The following SAMHD1 variants were observed in gnomAD, a reference collection of about 807,000 sequenced individuals.
SAMHD1 encodes deoxynucleoside triphosphate triphosphohydrolase SAMHD1.
A neutral mutation model predicts 79.6 loss-of-function variants in SAMHD1; 54 were observed. The observed-to-expected ratio is 0.68, with a 90% CI of 0.55 to 0.85. The LOEUF is 0.85. Ranked by LOEUF, SAMHD1 falls within the 40% of genes least tolerant of loss-of-function variation. The probability of loss-of-function intolerance (pLI) is 0.00; values close to 1 mark genes in which losing one functional copy is unlikely to be tolerated. For missense variants in SAMHD1, 663 were observed against 782.7 expected (o/e 0.85, Z 1.82); for synonymous variants, 260 against 264.1 (o/e 0.98, Z 0.15).
At chr20:36,907,127 T>C (rs917474492) in intron 11 of SAMHD1, among the ~76,000 whole-genome samples, 5 of 151,310 alleles carry the variant, frequency 3.3e-5, no homozygotes, top group African/African-American at 1.2e-4. Flanking sequence ...GGTCAGGTTC[T>C]GTGGCCTAGG....
chr20:36,925,736 A>C (rs1420391257), intron 6 of SAMHD1, among the ~76,000 whole-genome samples: 2 of 152,238 alleles, frequency 1.3e-5, no homozygotes, highest in Non-Finnish European at 2.9e-5. Flanking sequence ...TACAAAGTAC[A>C]GGAAATAGTA....
In SAMHD1 at chr20:36,911,265, C is replaced by G. The variant is rs140417977; in HGVS notation, c.1223G>C (p.Arg408Pro). The G allele has an allele frequency of 1.9e-6, 3 of 1,613,264 alleles. No homozygotes were observed. The highest frequency in any genetic ancestry group is 2.5e-6 in the Non-Finnish European group (3 of 1,179,876). The change falls in exon 11 of 16, where the codon CGC becomes CCC. Residue 408 changes from arginine (R) to proline (P), a missense_variant. Physicochemically the swap from Arg to Pro is moderately radical, Grantham distance 103 (BLOSUM62 -2). Transcript: ENST00000646673. ...CATGTCGTCAATTGCTGTAGAAATG[C>G]GATACTTTTTTCCTCCAGCACCTGT... ...EITGAGGKKY[R>P]ISTAIDDMEA...
At chr20:36,917,726 A>G (rs1016057079) in intron 7 of SAMHD1, among the ~76,000 whole-genome samples, 4 of 152,184 alleles carry the variant, frequency 2.6e-5, no homozygotes, top group African/African-American at 9.6e-5. Context: ...AAACAGTACT[A>G]TCTTTCAAAG....
intron 1 of SAMHD1, chr20:36,947,081 A>C (rs1303126288): frequency 2.9e-6 from 1 of 342,978 alleles, no homozygotes; most frequent in Non-Finnish European, 5.5e-6. Context: ...AGGAAAGTGA[A>C]ACCCGACTAC....
Position 36,916,786 on chromosome 20 carries a change from C to G in SAMHD1, c.998G>C (p.Arg333Pro). 6.2e-7 allele frequency: 1 copy of G among 1,614,016 alleles called. No homozygotes were observed. Among genetic ancestry groups the G allele is most frequent in the Non-Finnish European group, 8.5e-7 (1 of 1,179,978 alleles). ...LGIQNNFDYKRFIKFARVCEV... is the reference protein window; with the variant it reads ...LGIQNNFDYKPFIKFARVCEV... ...ACAGACACGGGCAAACTTAATAAAGCGCTTGTAATCAAAATTATTTTGGAT... is the reference window on the plus strand; with the variant it reads ...ACAGACACGGGCAAACTTAATAAAGGGCTTGTAATCAAAATTATTTTGGAT... Residue 333 changes from arginine (R) to proline (P), a missense_variant, in exon 9 of 16, where the codon CGC (arginine) becomes CCC (proline). Transcript: ENST00000646673.
At chr20:36,896,959 A>G (rs1291142) in intron 15 of SAMHD1, among the ~76,000 whole-genome samples, 82,740 of 151,834 alleles carry the variant, frequency 0.54, 24,598 homozygotes, top group South Asian at 0.74. Flanking sequence ...TCCCACTGCC[A>G]AATATACCCT....
rs556626753 is a variant in SAMHD1, at chr20:36,930,210, T to C, written c.625+550A>G. Among the ~76,000 whole-genome samples, 11 of 151,818 alleles carry C rather than the reference T, an allele frequency of 7.2e-5. No homozygotes were observed. The East Asian group carries it at 2.1e-3, about 29-fold the overall frequency. ...CCTTTCATATAACCTGTAGTAAACA[T>C]GATGGCCGGGCACGGTGGCTCATGC... On this transcript the variant is annotated intron_variant, in intron 5 of 15. Coordinates refer to ENST00000646673, the MANE Select transcript of SAMHD1 (RefSeq NM_015474.4).
At position 36,946,710 on chromosome 20, in the gene SAMHD1, T is replaced by C. The variant is rs770430519; in HGVS notation, c.275+28A>G. 3.2e-6 allele frequency: 5 copies of C among 1,566,072 alleles called. No homozygotes were observed. In the Admixed American group the frequency reaches 8.5e-5, roughly 27 times the overall value. ...AAGATGGATAAAGTGTGTTTGGTTA[T>C]AACGTGAATTTATTTCTTCATTCTT... On this transcript the variant is annotated intron_variant, in intron 2 of 15. Transcript: ENST00000646673.
intron 10 of SAMHD1, chr20:36,912,002 T>A (rs1251527979): frequency 5.0e-5 from 10 of 199,042 alleles, no homozygotes; most frequent in Non-Finnish European, 8.3e-5. Flanking sequence ...AAATTCCTGT[T>A]GGTTTTACCA....
At chr20:36,930,016 G>C (rs6130129) in intron 5 of SAMHD1, among the ~76,000 whole-genome samples, 1 of 150,008 alleles carries the variant, frequency 6.7e-6, no homozygotes, top group Non-Finnish European at 1.5e-5. Context: ...CTTGAGCCTA[G>C]GAGTTCGAGA....
At position 36,930,872 on chromosome 20, in the gene SAMHD1, C is replaced by T. The variant is rs903077482; in HGVS notation, c.513G>A (p.Val171=). 3 of 1,609,276 alleles carry T rather than the reference C, an allele frequency of 1.9e-6. No individual in the cohort carries two copies. The highest frequency in any genetic ancestry group is 1.7e-4 in the Middle Eastern group (1 of 6,052). Residue 171 remains valine (V), a synonymous_variant, in exon 5 of 16, where the codon GTG becomes GTA. Transcript: ENST00000646673. ...SHNRFEHSLG[V]GYLAGCLVHA... ...GAACTAGACATCCTGCTAGATACCC[C>T]ACCCTGCAGAGCAAAAACACAAAAA... is the stretch of plus-strand genomic sequence containing the variant.
intron 2 of SAMHD1, among the ~76,000 whole-genome samples, chr20:36,942,778 C>G (rs2063655599): frequency 6.6e-6 from 1 of 152,018 alleles, no homozygotes; most frequent in African/African-American, 2.4e-5. Context: ...TCCCGAGTAG[C>G]TGGGACTACA....
intron 13 of SAMHD1, among the ~76,000 whole-genome samples, chr20:36,901,687 G>C (rs1327549650): frequency 6.6e-6 from 1 of 152,034 alleles, no homozygotes; most frequent in East Asian, 1.9e-4. Flanking sequence ...AATGAGCTGT[G>C]ATTACATCAC....
At chr20:36,923,024 AGT>A (rs1327985816) in intron 6 of SAMHD1, among the ~76,000 whole-genome samples, 1 of 152,060 alleles carries the variant, frequency 6.6e-6, no homozygotes, top group Non-Finnish European at 1.5e-5. Context: ...TTTTTGACAC[AGT>A]GTCTCACTCT....
chr20:36,930,623 T>C, intron 5 of SAMHD1, 137 bp downstream of exon 5: 1 of 737,684 alleles, frequency 1.4e-6, no homozygotes, highest in Non-Finnish European at 2.5e-6. Flanking sequence ...GAAGCAACAG[T>C]ACATTTATAC....
intron 15 of SAMHD1, 110 bp from the exon 16 acceptor site, chr20:36,893,176 TTCTAGCTGTCC>T: frequency 7.3e-7 from 1 of 1,376,018 alleles, no homozygotes; most frequent in Admixed American, 1.8e-5. Context: ...TATAGATTGC[TTCTAGCTGTCC>T]TCAATCCAGG....
At chr20:36,928,202 C>T (rs546204462) in intron 5 of SAMHD1, among the ~76,000 whole-genome samples, 1 of 148,520 alleles carries the variant, frequency 6.7e-6, no homozygotes, top group South Asian at 2.1e-4. Flanking sequence ...GCCCGGCCAA[C>T]ATGGTAAAAA....
intron 1 of SAMHD1, among the ~76,000 whole-genome samples, chr20:36,949,882 C>G (rs79404145): frequency 0.092 from 13,879 of 151,190 alleles, 859 homozygotes; most frequent in Middle Eastern, 0.17. Flanking sequence ...GGAAAATGAG[C>G]AGTGTAGCCC....
At chr20:36,906,850 G>A (rs2063407998) in intron 11 of SAMHD1, among the ~76,000 whole-genome samples, 1 of 151,000 alleles carries the variant, frequency 6.6e-6, no homozygotes, top group African/African-American at 2.4e-5. Flanking sequence ...GGAGTGCGGT[G>A]GCGTGATCTT....
Sources: allele counts gnomAD v4.1 joint callset (sites outside exome capture counted in the v4.1 genomes callset), GRCh38; gene constraint gnomAD v4.1.1; transcripts MANE v1.5; gene names NCBI Gene and HGNC (gene_info 2026-07-23, HGNC 2026-07-21).